The following ASIC2 variants were observed in gnomAD, a reference collection of about 807,000 sequenced individuals.
ASIC2 encodes the protein acid sensing ion channel subunit 2, also known as acid-sensing ion channel 2.
In ASIC2, 25 loss-of-function variants were observed where a neutral mutation model predicts 57.3. The ratio of observed to expected loss-of-function variants is 0.44; its 90% CI spans 0.32 to 0.61. The LOEUF (loss-of-function observed/expected upper bound fraction) is 0.61. ASIC2 is among the 20% of genes least tolerant of loss of function. The pLI, the probability that ASIC2 is intolerant of heterozygous loss-of-function variation, is 0.06. For missense variants in ASIC2, 641 were observed against 738.1 expected, an observed-to-expected ratio of 0.87 and a Z score of 1.52; for synonymous variants, 319 against 307.5, an observed-to-expected ratio of 1.04 and a Z score of -0.39.
rs112286713 is a variant in ASIC2 at position 33,364,181 on chromosome 17, A to G, written c.556-252114T>C. ...AGCACCTTCTTGCTTCTCTGGGGCTAGGAAGAAAGGCTACTTAGAGGCAAG... is the reference window on the plus strand; with the variant it reads ...AGCACCTTCTTGCTTCTCTGGGGCTGGGAAGAAAGGCTACTTAGAGGCAAG... On this transcript the variant is annotated intron_variant, in intron 1 of 9. Coordinates refer to the ASIC2 transcript ENST00000359872. Among the ~76,000 whole-genome samples, 1,457 of 152,280 alleles carry G rather than the reference A, an allele frequency of 9.6e-3. 31 individuals are homozygous for G. Among genetic ancestry groups the G allele is most frequent in the African/African-American group, 0.033 (1,385 of 41,550 alleles).
At chr17:33,433,176 T>C (rs988496893) in intron 1 of ASIC2, among the ~76,000 whole-genome samples, 3 of 151,988 alleles carry the variant, frequency 2.0e-5, no homozygotes, top group African/African-American at 7.3e-5. Context: ...GTAGACTGGA[T>C]AAAGAAAATG....
In ASIC2 at chr17:33,299,143, C is replaced by T. The variant is rs192056565; in HGVS notation, c.556-187076G>A. Among the ~76,000 whole-genome samples, 39 of 152,334 alleles carry T rather than the reference C, an allele frequency of 2.6e-4. No homozygotes were observed. The East Asian group carries it at 2.7e-3, about 11-fold the overall frequency. ...GCCTGCATCCCAAGTCAATCCTAAG[C>T]GAAAAGAACAAAGCTGGAGGCATCA... On this transcript the variant is annotated intron_variant, in intron 1 of 9. Transcript: ENST00000359872.
At chr17:33,661,182 C>A (rs1044179182) in intron 1 of ASIC2, among the ~76,000 whole-genome samples, 1 of 152,194 alleles carries the variant, frequency 6.6e-6, no homozygotes, top group Non-Finnish European at 1.5e-5. Flanking sequence ...TGCTGAGCCA[C>A]ATTTAGCACC....
At chr17:33,890,101 T>C (rs1355720798) in intron 1 of ASIC2, among the ~76,000 whole-genome samples, 2 of 152,174 alleles carry the variant, frequency 1.3e-5, no homozygotes, top group Non-Finnish European at 2.9e-5. Context: ...TTACTTTCAT[T>C]AATTTAAAAA....
chr17:33,135,271 C>T lies in ASIC2; in HGVS notation c.709-23204G>A, dbSNP rs568851026. The stretch of plus-strand genomic sequence containing the variant: ...CCATGCCTTTGCCACTGCTCTTCTG[C>T]CTGCCTGGAATACCCTTTCCAGGAA... On this transcript the variant is annotated intron_variant, in intron 1 of 9. Transcript: ENST00000225823. 2.3e-3 allele frequency among the ~76,000 whole-genome samples: 353 copies of T among 152,244 alleles called. 2 individuals are homozygous for T. Among genetic ancestry groups the T allele is most frequent in the African/African-American group, 8.2e-3 (339 of 41,540 alleles).
At chr17:34,093,419 C>T (rs1268647822) in intron 1 of ASIC2, among the ~76,000 whole-genome samples, 1 of 152,190 alleles carries the variant, frequency 6.6e-6, no homozygotes, top group Non-Finnish European at 1.5e-5. Flanking sequence ...AGACAAAAAG[C>T]GGTGGGTTAG....
intron 1 of ASIC2, chr17:34,002,130 G>A (rs1051154045): frequency 2.0e-5 from 3 of 152,136 alleles, no homozygotes; most frequent in Non-Finnish European, 2.9e-5. Context: ...TCTTGTCCAC[G>A]ATTGTCTATC....
intron 3 of ASIC2, among the ~76,000 whole-genome samples, chr17:33,055,069 C>T (rs2091992610): frequency 6.6e-6 from 1 of 152,174 alleles, no homozygotes; most frequent in African/African-American, 2.4e-5. Flanking sequence ...GGGTGGTTTA[C>T]CCCTTTCCCA....
intron 1 of ASIC2, among the ~76,000 whole-genome samples, chr17:33,804,777 C>T (rs73986726): frequency 0.09 from 13,646 of 152,200 alleles, 688 homozygotes; most frequent in East Asian, 0.19. Flanking sequence ...TTGGGATCTT[C>T]TGTTTTTAGG....
At position 33,662,649 on chromosome 17, in the gene ASIC2, AAAT is replaced by A. The variant is rs1228888015; in HGVS notation, c.555+493326_555+493328del. On this transcript the variant is annotated intron_variant, in intron 1 of 9. Coordinates refer to the ASIC2 transcript ENST00000359872. ...AAAATAAATAAATAAATAAATAAAT[AAAT>A]AAATAAATAAATAAATAAGTAAAAT... 6.3e-5 allele frequency among the ~76,000 whole-genome samples: 9 copies of A among 142,482 alleles called. No homozygotes were observed. In the South Asian group the frequency reaches 2.1e-3, roughly 33 times the overall value. The allele number at this position is 142,482 out of a possible 152,430, so 93.5% of individuals were successfully genotyped here.
intron 1 of ASIC2, among the ~76,000 whole-genome samples, chr17:33,685,591 A>G (rs918700702): frequency 3.7e-4 from 56 of 152,332 alleles, no homozygotes; most frequent in African/African-American, 1.3e-3. Flanking sequence ...CCTGGAAAAC[A>G]AGGAATGGGC....
intron 1 of ASIC2, among the ~76,000 whole-genome samples, chr17:34,031,806 T>C (rs1489975892): frequency 6.6e-6 from 1 of 152,010 alleles, no homozygotes. Context: ...AAGAGAAGTT[T>C]AGAGAAAAAA....
intron 1 of ASIC2, among the ~76,000 whole-genome samples, chr17:33,288,968 T>C (rs1355077734): frequency 6.6e-6 from 1 of 152,080 alleles, no homozygotes; most frequent in East Asian, 1.9e-4. Context: ...GACAAGGCAG[T>C]GTGGTTAGAG....
chr17:33,109,041 C>G (rs2092246387), intron 2 of ASIC2, among the ~76,000 whole-genome samples: 1 of 152,080 alleles, frequency 6.6e-6, no homozygotes, highest in Admixed American at 6.5e-5. Flanking sequence ...ATTAAAAATT[C>G]AATTCCTCTG....
chr17:33,670,853 T>C (rs1273967167), intron 1 of ASIC2, among the ~76,000 whole-genome samples: 1 of 152,232 alleles, frequency 6.6e-6, no homozygotes, highest in Non-Finnish European at 1.5e-5. Context: ...TTGGTATATG[T>C]AAAAGAGTAG....
chr17:33,698,708 A>T (rs1725873415), intron 1 of ASIC2, among the ~76,000 whole-genome samples: 1 of 152,108 alleles, frequency 6.6e-6, no homozygotes, highest in Admixed American at 6.6e-5. Context: ...AGTCTTTGAA[A>T]ACTGAAGTAC....
chr17:33,833,644 T>C (rs147499037), intron 1 of ASIC2, among the ~76,000 whole-genome samples: 21 of 152,262 alleles, frequency 1.4e-4, no homozygotes, highest in Admixed American at 2.6e-4. Flanking sequence ...AGAAGCAGCA[T>C]GATGAAAAGT....
intron 1 of ASIC2, among the ~76,000 whole-genome samples, chr17:33,872,187 C>T (rs558478040): frequency 1.7e-4 from 26 of 152,236 alleles, no homozygotes; most frequent in African/African-American, 6.3e-4. Context: ...TGAGGTCCCC[C>T]TTTAAGCCCA....
At chr17:33,270,613 T>C (rs1904446762) in intron 1 of ASIC2, among the ~76,000 whole-genome samples, 1 of 152,210 alleles carries the variant, frequency 6.6e-6, no homozygotes. Flanking sequence ...GCTGGGTGTG[T>C]GTGGTCCAGC....
Sources: gnomAD v4.1 joint callset for allele counts (sites outside exome capture counted in the v4.1 genomes callset) on GRCh38, gnomAD v4.1.1 for gene constraint, MANE v1.5 for transcripts, NCBI Gene and HGNC (gene_info 2026-07-23, HGNC 2026-07-21) for gene names.